The following SLC35F4 variants were observed in gnomAD, a reference collection of about 807,000 sequenced individuals.
SLC35F4 encodes chromosome 14 open reading frame 36.
SLC35F4 carries 24 observed loss-of-function variants against 44.2 expected under a neutral mutation model. The observed-to-expected ratio is 0.54, with a 90% CI of 0.39 to 0.76. The LOEUF (loss-of-function observed/expected upper bound fraction) is 0.76, where lower values mean the gene tolerates loss of function less well. Ranked by LOEUF, SLC35F4 falls within the 30% of genes least tolerant of loss-of-function variation. The pLI is 0.00. For missense variants in SLC35F4, 562 were observed against 586.1 expected (o/e 0.96, Z 0.42); for synonymous variants, 238 against 223.6 (o/e 1.06, Z -0.57).
chr14:57,869,219 G>T (rs1888245319), upstream of SLC35F4, among the ~76,000 whole-genome samples: 1 of 148,102 alleles, frequency 6.8e-6, no homozygotes, highest in African/African-American at 2.5e-5. Context: ...TTTAAAAAAA[G>T]CCAAATCATT....
At chr14:57,612,745 A>C (rs2071589611) in intron 1 of SLC35F4, among the ~76,000 whole-genome samples, 1 of 152,216 alleles carries the variant, frequency 6.6e-6, no homozygotes, top group African/African-American at 2.4e-5. Context: ...ATGTCTTATC[A>C]TCTCCAACTA....
At chr14:57,592,734 G>T (rs937560544) in intron 2 of SLC35F4, among the ~76,000 whole-genome samples, 1 of 152,062 alleles carries the variant, frequency 6.6e-6, no homozygotes, top group Admixed American at 6.5e-5. Flanking sequence ...GACCCTAGAC[G>T]AAGCTTTCAC....
downstream of SLC35F4, among the ~76,000 whole-genome samples, chr14:57,974,407 G>T (rs976305610): frequency 6.6e-6 from 1 of 152,176 alleles, no homozygotes; most frequent in Non-Finnish European, 1.5e-5. Context: ...AGTCATTAAA[G>T]CCAGCTCAGA....
chr14:57,827,828 G>T (rs939882486), intron 1 of SLC35F4, among the ~76,000 whole-genome samples: 9 of 149,362 alleles, frequency 6.0e-5, no homozygotes, highest in African/African-American at 2.2e-4. Context: ...CAGTAAATAA[G>T]TAACTTGTTA....
At chr14:57,872,778 C>T (rs937766167) in intron 1 of SLC35F4, among the ~76,000 whole-genome samples, 4 of 152,204 alleles carry the variant, frequency 2.6e-5, no homozygotes, top group African/African-American at 9.6e-5. Flanking sequence ...GATCGTGCAA[C>T]TAGTCAGACT....
At chr14:57,639,783 C>T (rs899532643) in intron 1 of SLC35F4, among the ~76,000 whole-genome samples, 18 of 152,028 alleles carry the variant, frequency 1.2e-4, no homozygotes, top group Middle Eastern at 3.4e-3. Context: ...GTATATCTAA[C>T]TACTACAATT....
intron 1 of SLC35F4, among the ~76,000 whole-genome samples, chr14:57,661,724 G>A (rs2074144430): frequency 6.6e-6 from 1 of 152,206 alleles, no homozygotes; most frequent in South Asian, 2.1e-4. Flanking sequence ...CTAGAGCTAT[G>A]ATTCTCAAAC....
At chr14:57,744,543 A>G (rs970473875) in intron 1 of SLC35F4, among the ~76,000 whole-genome samples, 1 of 152,202 alleles carries the variant, frequency 6.6e-6, no homozygotes, top group African/African-American at 2.4e-5. Context: ...CTCTTCAAGG[A>G]GAACTACAAA....
At chr14:57,808,968 A>C (rs964341179) in intron 1 of SLC35F4, among the ~76,000 whole-genome samples, 1 of 152,128 alleles carries the variant, frequency 6.6e-6, no homozygotes, top group Non-Finnish European at 1.5e-5. Flanking sequence ...AATCTACAGG[A>C]GGTTGAATAG....
chr14:57,933,183 G>C (rs1043201421), intron 1 of SLC35F4, among the ~76,000 whole-genome samples: 3 of 151,784 alleles, frequency 2.0e-5, no homozygotes, highest in African/African-American at 7.3e-5. Flanking sequence ...CACCACACCT[G>C]GCTAATTTTT....
chr14:57,929,552 T>G (rs1473780725), intron 1 of SLC35F4, among the ~76,000 whole-genome samples: 2 of 152,114 alleles, frequency 1.3e-5, no homozygotes, highest in Non-Finnish European at 1.5e-5. Context: ...CACTTTTGTA[T>G]CTAACCTTTA....
intron 1 of SLC35F4, among the ~76,000 whole-genome samples, chr14:57,639,280 C>T (rs1056242376): frequency 6.6e-5 from 10 of 152,054 alleles, no homozygotes; most frequent in African/African-American, 2.4e-4. Context: ...TATATCCTGC[C>T]TCATTAATGA....
chr14:57,978,786 C>T (rs892569667), intron 1 of SLC35F4, among the ~76,000 whole-genome samples: 2 of 152,186 alleles, frequency 1.3e-5, no homozygotes, highest in East Asian at 1.9e-4. Context: ...CATCCTGATC[C>T]ATGAAATTGA....
At chr14:57,923,942 C>T (rs1889494346) in intron 1 of SLC35F4, among the ~76,000 whole-genome samples, 1 of 152,206 alleles carries the variant, frequency 6.6e-6, no homozygotes, top group African/African-American at 2.4e-5. Context: ...GGGAGGAACC[C>T]AGTGGCAGGC....
intron 1 of SLC35F4, among the ~76,000 whole-genome samples, chr14:57,939,486 A>C (rs747469791): frequency 6.6e-6 from 1 of 152,214 alleles, no homozygotes; most frequent in Non-Finnish European, 1.5e-5. Context: ...AGAAGAAAGG[A>C]CATCACCACT....
At chr14:57,738,135 A>C (rs554830890) in intron 1 of SLC35F4, among the ~76,000 whole-genome samples, 1 of 152,308 alleles carries the variant, frequency 6.6e-6, no homozygotes, top group Non-Finnish European at 1.5e-5. Flanking sequence ...GTACATCTCT[A>C]TCTCAGAGAT....
At chr14:57,869,985 T>C (rs1470628098), upstream of SLC35F4, among the ~76,000 whole-genome samples, 4 of 152,220 alleles carry the variant, frequency 2.6e-5, no homozygotes, top group African/African-American at 4.8e-5. Flanking sequence ...CAGAGTCCAC[T>C]CTTCATTGGC....
At chr14:57,880,308 G>C (rs1006426760) in intron 1 of SLC35F4, among the ~76,000 whole-genome samples, 17 of 152,142 alleles carry the variant, frequency 1.1e-4, no homozygotes, top group Non-Finnish European at 2.1e-4. Flanking sequence ...ATGAAAACTG[G>C]ATATGATATA....
chr14:57,622,142 G>A (rs1269010729), intron 1 of SLC35F4, among the ~76,000 whole-genome samples: 4 of 95,236 alleles, frequency 4.2e-5, no homozygotes, highest in Non-Finnish European at 9.9e-5. Context: ...AAGTTAGAAT[G>A]GCAATCATTA....
Sources: allele counts gnomAD v4.1 joint callset (sites outside exome capture counted in the v4.1 genomes callset), GRCh38; gene constraint gnomAD v4.1.1; transcripts MANE v1.5; gene names NCBI Gene and HGNC (gene_info 2026-07-23, HGNC 2026-07-21).